OR7E24: variants seen among roughly 807,000 people sequenced by gnomAD.
The protein encoded by OR7E24 is olfactory receptor family 7 subfamily E member 24, also known as olfactory receptor 7E24.
For synonymous variants in OR7E24, 130 were observed against 157.5 expected (o/e 0.83, Z 1.31); for missense variants, 385 against 410.3 (o/e 0.94, Z 0.53).
chr19:9,217,908 G>A, the OR7E24 span, among the ~76,000 whole-genome samples: 1 of 152,144 alleles, frequency 6.6e-6, no homozygotes, highest in Non-Finnish European at 1.5e-5. Flanking sequence ...AAGAGAATTC[G>A]AGATTGTCCC....
At chr19:9,240,327 A>T in the OR7E24 span, among the ~76,000 whole-genome samples, 1 of 152,194 alleles carries the variant, frequency 6.6e-6, no homozygotes, top group East Asian at 1.9e-4. Context: ...TTATCCAAAA[A>T]ATCATTGCCC....
Position 9,251,490 on chromosome 19 carries a change from C to T in OR7E24, c.447C>T (p.His149=). The T allele has an allele frequency of 6.2e-7, 1 of 1,614,140 alleles. No homozygotes were observed. The highest frequency in any genetic ancestry group is 8.5e-7 in the Non-Finnish European group (1 of 1,179,998). ...DRFVAICHPL[H]YRIIMNPRLC... ...TTGTGGCCATCTGTCACCCCCTGCA[C>T]TACCGAATCATCATGAACCCACGCC... Residue 149 remains histidine (H), a synonymous_variant, in exon 1 of 1, where the codon CAC becomes CAT. Transcript: ENST00000456448.
the OR7E24 span, among the ~76,000 whole-genome samples, chr19:9,232,219 C>T: frequency 6.6e-6 from 1 of 152,098 alleles, no homozygotes; most frequent in African/African-American, 2.4e-5. Context: ...CTCCATCTTC[C>T]TTTTGTCAAC....
chr19:9,229,947 T>C, the OR7E24 span, among the ~76,000 whole-genome samples: 1 of 152,050 alleles, frequency 6.6e-6, no homozygotes, highest in African/African-American at 2.4e-5. Context: ...CAAGGGCTGC[T>C]GGGGTAAGAG....
At chr19:9,218,709 A>G in the OR7E24 span, among the ~76,000 whole-genome samples, 1 of 152,050 alleles carries the variant, frequency 6.6e-6, no homozygotes, top group Non-Finnish European at 1.5e-5. Flanking sequence ...GCTTACTGCA[A>G]CCTCTGCCTC....
At chr19:9,214,759 G>T in the OR7E24 span, 2 of 1,613,868 alleles carry the variant, frequency 1.2e-6, no homozygotes, top group Non-Finnish European at 1.7e-6. Flanking sequence ...AGCCCAAAGA[G>T]GACGGGCTGC....
chr19:9,228,745 G>T, the OR7E24 span, among the ~76,000 whole-genome samples: 5 of 152,214 alleles, frequency 3.3e-5, no homozygotes, highest in African/African-American at 1.2e-4. Context: ...GATGGTGAAT[G>T]CCAGGGACTG....
At chr19:9,244,916 G>A (rs187891205), upstream of OR7E24, among the ~76,000 whole-genome samples, 2 of 152,162 alleles carry the variant, frequency 1.3e-5, no homozygotes, top group African/African-American at 4.8e-5. Flanking sequence ...TTAAAAATGG[G>A]CAGAAGGCCA....
chr19:9,243,733 C>G (rs1466559429), upstream of OR7E24, among the ~76,000 whole-genome samples: 1 of 152,214 alleles, frequency 6.6e-6, no homozygotes, highest in African/African-American at 2.4e-5. Flanking sequence ...TTGCTCCTTG[C>G]ATCATCCTTT....
At chr19:9,246,090 T>TA (rs538854889), upstream of OR7E24, among the ~76,000 whole-genome samples, 1 of 97,632 alleles carries the variant, frequency 1.0e-5, no homozygotes, top group South Asian at 3.4e-4. Context: ...TTTTTTTTTT[T>TA]ATGGAGTCTT....
At chr19:9,214,213 A>G in the OR7E24 span, 7 of 1,614,046 alleles carry the variant, frequency 4.3e-6, no homozygotes, top group African/African-American at 8.0e-5. Context: ...GCTACAGGAA[A>G]CACACCCAGC....
the OR7E24 span, chr19:9,214,397 T>C: frequency 6.2e-7 from 1 of 1,614,080 alleles, no homozygotes; most frequent in South Asian, 1.1e-5. Context: ...TGAACCAAGA[T>C]GCCAGAACCA....
chr19:9,232,350 C>T, the OR7E24 span, among the ~76,000 whole-genome samples: 11 of 151,878 alleles, frequency 7.2e-5, no homozygotes, highest in Admixed American at 2.0e-4. Flanking sequence ...CCATCCTGGC[C>T]AACATGGTGA....
At chr19:9,213,216 A>G in the OR7E24 span, 1 of 152,228 alleles carries the variant, frequency 6.6e-6, no homozygotes, top group African/African-American at 2.4e-5. Flanking sequence ...AACATTCAAC[A>G]GGATAATTTT....
chr19:9,235,414 G>C, the OR7E24 span: 2 of 1,603,326 alleles, frequency 1.2e-6, no homozygotes, highest in Non-Finnish European at 1.7e-6. Flanking sequence ...ACGGAGCAAA[G>C]ACATCTCCTA....
At chr19:9,234,995 C>A in the OR7E24 span, 1 of 495,904 alleles carries the variant, frequency 2.0e-6, no homozygotes, top group Non-Finnish European at 3.5e-6. Flanking sequence ...GTTTGAGAAA[C>A]TCCGCACGTT....
chr19:9,226,008 G>A, the OR7E24 span, among the ~76,000 whole-genome samples: 1 of 152,234 alleles, frequency 6.6e-6, no homozygotes, highest in African/African-American at 2.4e-5. Flanking sequence ...CTAGAACACA[G>A]CAAGGCACCT....
At chr19:9,240,857 A>C in the OR7E24 span, among the ~76,000 whole-genome samples, 1 of 151,978 alleles carries the variant, frequency 6.6e-6, no homozygotes, top group Admixed American at 6.6e-5. Context: ...TCTCTCTGTC[A>C]CCCAGGCTGG....
chr19:9,208,189 A>C, the OR7E24 span: 1 of 152,094 alleles, frequency 6.6e-6, no homozygotes, highest in Non-Finnish European at 1.5e-5. Context: ...AGGACCGCCC[A>C]CCACGCCTAG....
Sources: allele counts gnomAD v4.1 joint callset (sites outside exome capture counted in the v4.1 genomes callset), GRCh38; gene constraint gnomAD v4.1.1; transcripts MANE v1.5; gene names NCBI Gene and HGNC (gene_info 2026-07-23, HGNC 2026-07-21).